NEGR1: variants seen among roughly 807,000 people sequenced by gnomAD.
The protein encoded by NEGR1 is IgLON family member 4.
Under a neutral mutation model 40.9 loss-of-function variants are expected in NEGR1, and 10 were observed. The observed-to-expected ratio is 0.24, with a 90% CI of 0.15 to 0.42. The LOEUF (loss-of-function observed/expected upper bound fraction) is 0.42, where lower values mean the gene tolerates loss of function less well. Among genes scored for constraint, NEGR1 ranks in the 10% least tolerant of loss-of-function variants. The probability of loss-of-function intolerance (pLI) is 1.00; values close to 1 mark genes in which losing one functional copy is unlikely to be tolerated. For synonymous variants in NEGR1, 185 were observed against 166.8 expected (o/e 1.11, Z -0.84); for missense variants, 352 against 438.9 (o/e 0.80, Z 1.77).
chr1:72,201,513 C>A (rs2821285), intron 1 of NEGR1, among the ~76,000 whole-genome samples: 1 of 151,332 alleles, frequency 6.6e-6, no homozygotes, highest in Non-Finnish European at 1.5e-5. Flanking sequence ...TAACAATGCA[C>A]GTAACTCAAG....
At chr1:71,942,595 G>A (rs375502640) in intron 1 of NEGR1, among the ~76,000 whole-genome samples, 9,256 of 119,282 alleles carry the variant, frequency 0.078, 566 homozygotes, top group Admixed American at 0.21. Context: ...TCCGCCTCCC[G>A]GGTTCACGCC....
At chr1:71,982,767 C>T (rs1646364712) in intron 1 of NEGR1, among the ~76,000 whole-genome samples, 1 of 152,038 alleles carries the variant, frequency 6.6e-6, no homozygotes, top group Non-Finnish European at 1.5e-5. Flanking sequence ...TTAGAGAGTG[C>T]CTGCCACAAA....
chr1:71,837,206 A>G (rs1205753325), intron 2 of NEGR1, among the ~76,000 whole-genome samples: 2 of 152,154 alleles, frequency 1.3e-5, no homozygotes, highest in Non-Finnish European at 2.9e-5. Context: ...TGATAAAAAT[A>G]GTAGAAATTA....
intron 1 of NEGR1, among the ~76,000 whole-genome samples, chr1:72,278,095 A>G (rs1656119801): frequency 6.6e-6 from 1 of 152,162 alleles, no homozygotes. Context: ...AGTTTCCAAT[A>G]GTGTAGAAAT....
chr1:72,093,785 A>T (rs1648589888), intron 1 of NEGR1, among the ~76,000 whole-genome samples: 1 of 152,144 alleles, frequency 6.6e-6, no homozygotes, highest in South Asian at 2.1e-4. Flanking sequence ...TTCTCAACTT[A>T]ATGTTCTGAC....
intron 2 of NEGR1, among the ~76,000 whole-genome samples, chr1:71,865,928 A>G (rs1014700403): frequency 6.6e-6 from 1 of 152,190 alleles, no homozygotes; most frequent in African/African-American, 2.4e-5. Flanking sequence ...AAACAAAGAC[A>G]TATACATCTT....
intron 1 of NEGR1, among the ~76,000 whole-genome samples, chr1:72,088,796 C>CTTTTTTTTTTTTTTTTTTTTTTTT (rs71074816): frequency 1.5e-4 from 11 of 74,906 alleles, no homozygotes; most frequent in Non-Finnish European, 2.3e-4. Flanking sequence ...CTCTCTCTCT[C>CTTTTTTTTTTTTTTTTTTTTTTTT]TTTTTTTTTT....
chr1:71,849,575 G>T (rs138323782), intron 2 of NEGR1, among the ~76,000 whole-genome samples: 1 of 152,104 alleles, frequency 6.6e-6, no homozygotes, highest in Admixed American at 6.5e-5. Flanking sequence ...CAGAATTTGG[G>T]ATTAACTCTA....
intron 2 of NEGR1, among the ~76,000 whole-genome samples, chr1:71,930,151 T>A (rs984056674): frequency 2.0e-5 from 3 of 151,706 alleles, no homozygotes; most frequent in Non-Finnish European, 4.4e-5. Flanking sequence ...AATTTATTTT[T>A]AAATTTTTTT....
chr1:72,086,986 ATTTGAG>A (rs1648247018), intron 1 of NEGR1, among the ~76,000 whole-genome samples: 14 of 152,206 alleles, frequency 9.2e-5, no homozygotes, highest in Admixed American at 9.2e-4. Context: ...AGATTAGAAA[ATTTGAG>A]TTAGAGTTAT....
chr1:71,728,387 C>A (rs991009451), intron 3 of NEGR1, among the ~76,000 whole-genome samples: 1 of 152,116 alleles, frequency 6.6e-6, no homozygotes, highest in Non-Finnish European at 1.5e-5. Context: ...ACCTTCCTTG[C>A]TACTGAGAAA....
chr1:71,982,235 C>T (rs974008278), intron 1 of NEGR1, among the ~76,000 whole-genome samples: 3 of 152,034 alleles, frequency 2.0e-5, no homozygotes, highest in African/African-American at 7.2e-5. Flanking sequence ...TTATCTTGAA[C>T]CTTAAACTTT....
At chr1:71,468,780 C>A (rs1646763647) in intron 6 of NEGR1, 1 of 151,954 alleles carries the variant, frequency 6.6e-6, no homozygotes. Flanking sequence ...CCAGCCTTTT[C>A]ATGAAAGATG....
At position 71,576,333 on chromosome 1, in the gene NEGR1, T is replaced by A. The variant is rs187815850; in HGVS notation, c.940+16484A>T. ...TTTTCTGGTTGATATTCCACCATAG[T>A]ATTTTGGGGTTGCGTATGACAGAAA... On this transcript the variant is annotated intron_variant, in intron 6 of 6. Transcript: ENST00000357731. Among the ~76,000 whole-genome samples, 3 of 152,266 alleles carry A rather than the reference T, an allele frequency of 2.0e-5. No individual in the cohort carries two copies. The East Asian group carries it at 5.8e-4, about 29-fold the overall frequency.
intron 2 of NEGR1, among the ~76,000 whole-genome samples, chr1:71,844,586 T>A (rs530514858): frequency 1.3e-5 from 2 of 152,298 alleles, no homozygotes; most frequent in East Asian, 3.9e-4. Context: ...ACATGGAAGC[T>A]GTCCTTGACC....
intron 1 of NEGR1, among the ~76,000 whole-genome samples, chr1:72,059,547 T>C (rs907705087): frequency 6.6e-6 from 1 of 151,616 alleles, no homozygotes; most frequent in Non-Finnish European, 1.5e-5. Context: ...GCACTGTTGA[T>C]TTTAACTAGC....
intron 6 of NEGR1, among the ~76,000 whole-genome samples, chr1:71,554,671 T>C (rs1019076993): frequency 6.6e-6 from 1 of 151,566 alleles, no homozygotes; most frequent in African/African-American, 2.4e-5. Context: ...TCTCCTCTTT[T>C]TTCCTGGTGG....
intron 2 of NEGR1, among the ~76,000 whole-genome samples, chr1:71,841,243 T>G (rs1480193744): frequency 6.6e-6 from 1 of 152,110 alleles, no homozygotes; most frequent in Non-Finnish European, 1.5e-5. Context: ...TTCTGCATAA[T>G]AACATAATTT....
At chr1:71,810,251 T>C (rs1657946910) in intron 2 of NEGR1, among the ~76,000 whole-genome samples, 1 of 152,086 alleles carries the variant, frequency 6.6e-6, no homozygotes, top group African/African-American at 2.4e-5. Flanking sequence ...TTCCTATTCA[T>C]TTCAAATTAT....
Sources: gnomAD v4.1 joint callset for allele counts (sites outside exome capture counted in the v4.1 genomes callset) on GRCh38, gnomAD v4.1.1 for gene constraint, MANE v1.5 for transcripts, NCBI Gene and HGNC (gene_info 2026-07-23, HGNC 2026-07-21) for gene names.